The following PIGO variants were observed in gnomAD, a reference collection of about 807,000 sequenced individuals.
PIGO encodes the protein phosphatidylinositol glycan anchor biosynthesis class O, also known as GPI ethanolamine phosphate transferase 3, catalytic subunit.
Under a neutral mutation model 86.9 loss-of-function variants are expected in PIGO, and 66 were observed. That is an observed-to-expected ratio of 0.76 (90% CI 0.62 to 0.93). The LOEUF (loss-of-function observed/expected upper bound fraction) is 0.93. Ranked by LOEUF, PIGO falls within the 40% of genes least tolerant of loss-of-function variation. The pLI is 0.00. For synonymous variants in PIGO, 570 were observed against 556.4 expected (o/e 1.02, Z -0.34); for missense variants, 1,202 against 1,359.1 (o/e 0.88, Z 1.82).
In PIGO at chr9:35,091,416, G is replaced by A. The variant is rs1248760414; in HGVS notation, c.2471C>T (p.Ala824Val). 6.2e-7 allele frequency: 1 copy of A among 1,614,194 alleles called. No individual in the cohort carries two copies. The highest frequency in any genetic ancestry group is 1.3e-5 in the African/African-American group (1 of 75,048). ...GTAGACACTCCCCAACTGATAAGCA[G>A]CCACAGTCAGGGGACCCTGAGATTT... is the stretch of plus-strand genomic sequence containing the variant. ...RTKSQGPLTV[A>V]AYQLGSVYSA... Residue 824 changes from alanine (A) to valine (V), a missense_variant, in exon 7 of 11, where the codon GCT becomes GTT. Transcript: ENST00000378617.
rs1829564288 is a variant in PIGO at position 35,094,198 on chromosome 9, C to T, written c.655+18G>A. 1.3e-6 allele frequency: 2 copies of T among 1,585,440 alleles called. No homozygotes were observed. The highest frequency in any genetic ancestry group is 1.7e-6 in the Non-Finnish European group (2 of 1,171,238). On this transcript the variant is annotated intron_variant, in intron 3 of 10. Coordinates refer to ENST00000378617, the MANE Select transcript of PIGO (RefSeq NM_032634.4). ...CAGCTCCCAGTCTTAGAACTAAGTG[C>T]TCTGGCCCCATGCTCACTGGTGGGG...
chr9:35,093,375 T>C, intron 5 of PIGO, 46 bp downstream of exon 5: 1 of 1,612,618 alleles, frequency 6.2e-7, no homozygotes, highest in Non-Finnish European at 8.5e-7. Flanking sequence ...AATGGTAACA[T>C]GGGCTGATTA....
chr9:35,092,871 C>G (rs1478702819), intron 6 of PIGO, 104 bp from the exon 7 acceptor site: 4 of 1,387,466 alleles, frequency 2.9e-6, no homozygotes, highest in Non-Finnish European at 3.9e-6. Context: ...AAGTCAAGGA[C>G]CCAAACTCTG....
Position 35,088,908 on chromosome 9 carries a change from G to C in PIGO, c.*184C>G. The C allele has an allele frequency of 1.2e-6, 1 of 813,016 alleles. No homozygotes were observed. The highest frequency in any genetic ancestry group is 1.9e-6 in the Non-Finnish European group (1 of 526,846). 50.4% of individuals were successfully genotyped at this position (813,016 alleles called of 1,614,324 possible). Reference sequence around the variant, plus strand: ...CAGATGCATCCAAATCAGGAGTTAGGGATCATACTCCACTGTGGTCCTGAA... The same window carrying C: ...CAGATGCATCCAAATCAGGAGTTAGCGATCATACTCCACTGTGGTCCTGAA... On this transcript the variant is annotated 3_prime_UTR_variant, in exon 11 of 11. Transcript: ENST00000378617.
Position 35,093,219 on chromosome 9 carries a change from A to G in PIGO, c.940-10T>C. The G allele has an allele frequency of 6.2e-7, 1 of 1,604,502 alleles. No individual in the cohort carries two copies. Among genetic ancestry groups the G allele is most frequent in the African/African-American group, 1.3e-5 (1 of 74,894 alleles). ...GAATCACCTCTGGCTCCTAAAGGAA[A>G]ATGACAGTGGTCAACAGATTCATCA... is the stretch of plus-strand genomic sequence containing the variant. On this transcript the variant is annotated splice_polypyrimidine_tract_variant and intron_variant, in intron 5 of 10. Coordinates refer to ENST00000378617, the MANE Select transcript of PIGO (RefSeq NM_032634.4).
In PIGO at chr9:35,091,834, G is replaced by A. The variant is rs138547909; in HGVS notation, c.2053C>T (p.Arg685Cys). Residue 685 changes from arginine to cysteine, a missense_variant, in exon 7 of 11, where the codon CGC (arginine) becomes TGC (cysteine). Physicochemically the swap from Arg to Cys is radical, Grantham distance 180. Transcript: ENST00000378617. ...TTACCATAGCGGCGAAGCCACAAGC[G>A]CACGGCAGCTAACAGGGCCACCAGC... ...AALVALLAAV[R>C]LWLRRYGNLK... is the part of the protein sequence containing the mutation. 33 of 1,613,832 alleles carry A rather than the reference G, an allele frequency of 2.0e-5. No homozygotes were observed. The highest frequency in any genetic ancestry group is 6.7e-5 in the Admixed American group (4 of 60,012).
chr9:35,094,094 T>C (rs1829560647), intron 3 of PIGO, 70 bp from the exon 4 acceptor site: 1 of 1,577,550 alleles, frequency 6.3e-7, no homozygotes, highest in South Asian at 1.2e-5. Context: ...GCTTTGACAC[T>C]CCTCTATGTC....
rs1829293761 is a variant in PIGO at position 35,089,004 on chromosome 9, T to C, written c.*88A>G. On this transcript the variant is annotated 3_prime_UTR_variant, in exon 11 of 11. Transcript: ENST00000378617. ...GATAGTAAGAGTATGGCTGAGCCTG[T>C]CTTGCAGATCATCCAGTACCTGTAC... 2 of 1,555,720 alleles carry C rather than the reference T, an allele frequency of 1.3e-6. No individual in the cohort carries two copies. The highest frequency in any genetic ancestry group is 2.3e-5 in the South Asian group (2 of 85,172).
intron 10 of PIGO, 65 bp downstream of exon 10, chr9:35,089,315 T>C: frequency 6.2e-7 from 1 of 1,613,676 alleles, no homozygotes; most frequent in Non-Finnish European, 8.5e-7. Context: ...ATGTTTAGGA[T>C]CTTCATACTT....
Position 35,092,639 on chromosome 9 carries a change from C to T in PIGO, c.1248G>A (p.Gly416=), listed in dbSNP as rs575263117. ...DYQWLLQSPK[G]AEATLPTVIA... The stretch of plus-strand genomic sequence containing the variant: ...TCACAGTCGGCAGTGTCGCCTCAGC[C>T]CCCTTGGGGCTCTGGAGAAGCCACT... The change falls in exon 7 of 11, where the codon GGG becomes GGA. Residue 416 remains glycine, a synonymous_variant. Transcript: ENST00000378617. The T allele has an allele frequency of 6.2e-7, 1 of 1,614,244 alleles. No individual in the cohort carries two copies. The highest frequency in any genetic ancestry group is 2.2e-5 in the East Asian group (1 of 44,888).
Position 35,089,597 on chromosome 9 carries a change from G to A in PIGO, c.3070-147C>T. On this transcript the variant is annotated intron_variant, in intron 9 of 10. Coordinates refer to ENST00000378617, the MANE Select transcript of PIGO (RefSeq NM_032634.4). ...AAATATTGCATGTCCTGGGCTAGGAGTTAGGAGACCTACTTCCTGCCCTGC... is the reference window on the plus strand; with the variant it reads ...AAATATTGCATGTCCTGGGCTAGGAATTAGGAGACCTACTTCCTGCCCTGC... 2.0e-6 allele frequency: 3 copies of A among 1,475,414 alleles called. No individual in the cohort carries two copies. The South Asian group carries it at 4.2e-5, about 20-fold the overall frequency. The allele number at this position is 1,475,414 out of a possible 1,614,324, so 91.4% of individuals were successfully genotyped here.
At position 35,092,784 on chromosome 9, in the gene PIGO, C is replaced by G. The variant is rs991409005; in HGVS notation, c.1120-17G>C. 1.3e-6 allele frequency: 2 copies of G among 1,587,876 alleles called. No homozygotes were observed. The highest frequency in any genetic ancestry group is 1.4e-5 in the African/African-American group (1 of 73,514). Reference sequence around the variant, plus strand: ...TCGGGACACCTGGCAGAGAAAAGGTCAGAGGCCAAGGGGAACAGGTCAGAG... The same window carrying G: ...TCGGGACACCTGGCAGAGAAAAGGTGAGAGGCCAAGGGGAACAGGTCAGAG... On this transcript the variant is annotated splice_polypyrimidine_tract_variant and intron_variant, in intron 6 of 10. Coordinates refer to ENST00000378617, the MANE Select transcript of PIGO (RefSeq NM_032634.4).
intron 1 of PIGO, 156 bp from the exon 2 acceptor site, chr9:35,095,722 C>T (rs1829642449): frequency 9.7e-7 from 1 of 1,029,098 alleles, no homozygotes; most frequent in African/African-American, 1.6e-5. Flanking sequence ...TTACTCTCCT[C>T]CTATTTCCAG....
chr9:35,095,638 A>G (rs1392144310), intron 1 of PIGO, 72 bp from the exon 2 acceptor site: 2 of 1,410,920 alleles, frequency 1.4e-6, no homozygotes, highest in Non-Finnish European at 9.3e-7. Context: ...CCCTGAATAC[A>G]AGCCCAGCTA....
chr9:35,091,307 C>G lies in PIGO; in HGVS notation c.2580G>C (p.Leu860=). Residue 860 remains leucine (L), a synonymous_variant, in exon 7 of 11, where the codon CTG becomes CTC. Coordinates refer to ENST00000378617, the MANE Select transcript of PIGO (RefSeq NM_032634.4). The part of the protein sequence containing the change: ...LHAERISLVF[L]LLFLQSFLLL... ...GAAGGAAGCTCTGCAGAAACAGAAG[C>G]AGGAACACAAGGCTGATGCGCTCCG... is the stretch of plus-strand genomic sequence containing the variant. 6.2e-7 allele frequency: 1 copy of G among 1,613,798 alleles called. No individual in the cohort carries two copies. Among genetic ancestry groups the G allele is most frequent in the Non-Finnish European group, 8.5e-7 (1 of 1,179,808 alleles).
In PIGO at chr9:35,092,170, T is replaced by C; in HGVS notation, c.1717A>G (p.Thr573Ala). 1 of 1,613,748 alleles carries C rather than the reference T, an allele frequency of 6.2e-7. No individual in the cohort carries two copies. The highest frequency in any genetic ancestry group is 8.5e-7 in the Non-Finnish European group (1 of 1,179,948). The change falls in exon 7 of 11, where the codon ACC becomes GCC. Residue 573 changes from threonine to alanine, a missense_variant. Physicochemically the swap from Thr to Ala is moderately conservative, Grantham distance 58. Transcript: ENST00000378617. ...ATGAATGAGCCCAAAAGGAAGGGGGTGGCCCTGGCCTCAGCTACAACAAAA... is the reference window on the plus strand; with the variant it reads ...ATGAATGAGCCCAAAAGGAAGGGGGCGGCCCTGGCCTCAGCTACAACAAAA... Reference protein sequence around the residue: ...DSFVVAEARATPFLLGSFILL... With the variant: ...DSFVVAEARAAPFLLGSFILL...
rs774820898 is a variant in PIGO at position 35,095,056 on chromosome 9, T to C, written c.510A>G (p.Ala170=). 1.9e-6 allele frequency: 3 copies of C among 1,594,734 alleles called. No homozygotes were observed. Among genetic ancestry groups the C allele is most frequent in the South Asian group, 2.3e-5 (2 of 88,638 alleles). The change falls in exon 2 of 11, where the codon GCA becomes GCG. Residue 170 remains alanine, a splice_region_variant and synonymous_variant. Coordinates refer to ENST00000378617, the MANE Select transcript of PIGO (RefSeq NM_032634.4). ...GCCTTCAAAGTGGCCCACACTGACC[T>C]GCACTGGTGAGCTGCTTAATGAGAT... The part of the protein sequence containing the change: ...EDNLIKQLTS[A]GRRVVFMGDD...
intron 6 of PIGO, 90 bp from the exon 7 acceptor site, chr9:35,092,857 C>A: frequency 4.3e-6 from 6 of 1,400,672 alleles, no homozygotes; most frequent in Non-Finnish European, 4.8e-6. Flanking sequence ...AAGGGGGTAC[C>A]TGGAAGTCAA....
intron 7 of PIGO, 158 bp from the exon 8 acceptor site, chr9:35,090,830 TA>T: frequency 1.4e-6 from 1 of 727,802 alleles, no homozygotes; most frequent in Non-Finnish European, 2.2e-6. Flanking sequence ...TCTGTTATTC[TA>T]ATTCTCTCTG....
Sources: allele counts gnomAD v4.1 joint callset, GRCh38; gene constraint gnomAD v4.1.1; transcripts MANE v1.5; gene names NCBI Gene and HGNC (gene_info 2026-07-23, HGNC 2026-07-21).